Variants in NTRK2 observed in about 807,000 individuals in gnomAD.
NTRK2 encodes the protein neurotrophic receptor tyrosine kinase 2.
A neutral mutation model predicts 94.5 loss-of-function variants in NTRK2; 13 were observed. That is an observed-to-expected ratio of 0.14 (90% CI 0.09 to 0.22). The LOEUF is 0.22. NTRK2 is among the 10% of genes least tolerant of loss of function. The pLI, the probability that NTRK2 is intolerant of heterozygous loss-of-function variation, is 1.00. For missense variants in NTRK2, 639 were observed against 1,071.2 expected (o/e 0.60, Z 5.63); for synonymous variants, 372 against 407.4 (o/e 0.91, Z 1.05).
chr9:85,021,845 C>T lies in NTRK2; in HGVS notation c.*408C>T, dbSNP rs202134892. On this transcript the variant is annotated 3_prime_UTR_variant, in exon 19 of 19. Transcript: ENST00000277120. Reference sequence around the variant, plus strand: ...TCAGCAGACACTCCAGTTTGCCCACCACAACTAACAATGCCTTGTTGTATT... The same window carrying T: ...TCAGCAGACACTCCAGTTTGCCCACTACAACTAACAATGCCTTGTTGTATT... The T allele has an allele frequency of 1.7e-5, 5 of 293,398 alleles. No individual in the cohort carries two copies. Among genetic ancestry groups the T allele is most frequent in the Non-Finnish European group, 3.2e-5 (5 of 155,152 alleles). 18.2% of individuals were successfully genotyped at this position (293,398 alleles called of 1,614,324 possible). A position where few individuals can be genotyped will look rare whatever the true frequency, so the allele number is the denominator to read the frequency against.
At chr9:84,976,692 C>T (rs1010312562) in intron 17 of NTRK2, among the ~76,000 whole-genome samples, 2 of 152,078 alleles carry the variant, frequency 1.3e-5, no homozygotes, top group African/African-American at 4.8e-5. Context: ...GGCCAGCTTG[C>T]TCTGTTTGAC....
At position 84,670,886 on chromosome 9, in the gene NTRK2, C is replaced by G. The variant is rs376605075; in HGVS notation, c.138C>G (p.Ser46Arg). The G allele has an allele frequency of 6.2e-7, 1 of 1,613,036 alleles. No individual in the cohort carries two copies. The highest frequency in any genetic ancestry group is 1.1e-5 in the South Asian group (1 of 91,084). Residue 46 changes from serine (S) to arginine (R), a missense_variant, in exon 2 of 19, where the codon AGC becomes AGG. This residue lies in a region of NTRK2 where 206 missense variants were observed against 251.5 expected (regional missense o/e 0.82). Coordinates refer to ENST00000277120, the MANE Select transcript of NTRK2 (RefSeq NM_006180.6). ...GCAGTGCCTCTCGGATCTGGTGCAG[C>G]GACCCTTCTCCTGGCATCGTGGCAT... ...CKCSASRIWC[S>R]DPSPGIVAFP... is the part of the protein sequence containing the mutation.
At chr9:84,914,729 AT>A (rs1439863984) in intron 14 of NTRK2, among the ~76,000 whole-genome samples, 2 of 151,928 alleles carry the variant, frequency 1.3e-5, no homozygotes, top group South Asian at 2.1e-4. Context: ...TTTTCTGGGG[AT>A]TTTTTTCTGT....
At chr9:84,962,131 G>A (rs1009503201) in intron 17 of NTRK2, among the ~76,000 whole-genome samples, 5 of 152,156 alleles carry the variant, frequency 3.3e-5, no homozygotes, top group Non-Finnish European at 2.9e-5. Context: ...ACTGGAAAAT[G>A]ACATATTAGA....
At chr9:84,808,848 T>C (rs1436490681) in intron 12 of NTRK2, among the ~76,000 whole-genome samples, 1 of 152,174 alleles carries the variant, frequency 6.6e-6, no homozygotes, top group Admixed American at 6.5e-5. Context: ...ATGACACAGA[T>C]TGGTGGTGGT....
At chr9:84,930,462 G>A (rs1365045672) in intron 14 of NTRK2, among the ~76,000 whole-genome samples, 5 of 152,124 alleles carry the variant, frequency 3.3e-5, no homozygotes, top group Admixed American at 6.5e-5. Flanking sequence ...AGACAGCTGG[G>A]GCTCTAGCAC....
chr9:85,010,400 A>G (rs1400181035), intron 17 of NTRK2, among the ~76,000 whole-genome samples: 1 of 152,176 alleles, frequency 6.6e-6, no homozygotes, highest in Admixed American at 6.5e-5. Context: ...TCAAATGCTA[A>G]ATGTTAGATG....
chr9:84,846,268 G>A (rs1182005746), intron 12 of NTRK2, among the ~76,000 whole-genome samples: 1 of 152,190 alleles, frequency 6.6e-6, no homozygotes, highest in African/African-American at 2.4e-5. Context: ...TCGTATTATA[G>A]TTTCCAAAGG....
intron 14 of NTRK2, among the ~76,000 whole-genome samples, chr9:84,880,893 T>G (rs566742415): frequency 6.6e-6 from 1 of 152,220 alleles, no homozygotes. Flanking sequence ...GTTTGGAGTA[T>G]GAATTATTCA....
intron 12 of NTRK2, among the ~76,000 whole-genome samples, chr9:84,797,113 T>C (rs1217923738): frequency 1.3e-5 from 2 of 152,156 alleles, no homozygotes; most frequent in Admixed American, 1.3e-4. Flanking sequence ...CGATGTTCAC[T>C]GAAGGAGGAA....
intron 17 of NTRK2, among the ~76,000 whole-genome samples, chr9:84,973,866 C>G (rs1454670336): frequency 6.6e-6 from 1 of 152,114 alleles, no homozygotes; most frequent in African/African-American, 2.4e-5. Context: ...AGAGAATTTA[C>G]AAAACTAGGG....
intron 12 of NTRK2, among the ~76,000 whole-genome samples, chr9:84,769,993 A>G (rs567322046): frequency 6.6e-5 from 10 of 152,260 alleles, no homozygotes; most frequent in African/African-American, 2.4e-4. Context: ...AACTGTCGTC[A>G]GTGCTCTGCT....
chr9:84,787,913 A>G (rs1265895017), intron 12 of NTRK2, among the ~76,000 whole-genome samples: 1 of 152,188 alleles, frequency 6.6e-6, no homozygotes, highest in African/African-American at 2.4e-5. Context: ...AGCATTTACC[A>G]AATCTGTGGC....
chr9:84,905,257 C>T (rs527984657), intron 14 of NTRK2, among the ~76,000 whole-genome samples: 3 of 143,366 alleles, frequency 2.1e-5, no homozygotes, highest in South Asian at 2.4e-4. Flanking sequence ...AAACCTACTC[C>T]ATGGTGGGGT....
chr9:84,861,892 A>G (rs2075356779), intron 13 of NTRK2, among the ~76,000 whole-genome samples: 1 of 152,144 alleles, frequency 6.6e-6, no homozygotes, highest in African/African-American at 2.4e-5. Context: ...GGGGAAATGT[A>G]CCAATGTCAG....
intron 12 of NTRK2, among the ~76,000 whole-genome samples, chr9:84,787,931 A>G (rs935221509): frequency 3.9e-5 from 6 of 152,200 alleles, no homozygotes; most frequent in African/African-American, 1.2e-4. Context: ...GGCCTTGGTC[A>G]TGTTATTCAC....
At chr9:85,001,716 G>C (rs1189222213) in intron 17 of NTRK2, among the ~76,000 whole-genome samples, 1 of 152,262 alleles carries the variant, frequency 6.6e-6, no homozygotes, top group Non-Finnish European at 1.5e-5. Context: ...CACAGACTGA[G>C]AGAGGAGAAG....
chr9:85,004,389 A>T (rs1830734340), intron 17 of NTRK2, among the ~76,000 whole-genome samples: 1 of 152,190 alleles, frequency 6.6e-6, no homozygotes, highest in South Asian at 2.1e-4. Flanking sequence ...AAATTCAGGG[A>T]TAAAGAGAAT....
intron 17 of NTRK2, among the ~76,000 whole-genome samples, chr9:84,965,987 G>A (rs1028363508): frequency 2.0e-5 from 3 of 152,096 alleles, no homozygotes; most frequent in Non-Finnish European, 2.9e-5. Context: ...AAAACACCAG[G>A]GTTTCTCTTT....
Sources: gnomAD v4.1 joint callset for allele counts (sites outside exome capture counted in the v4.1 genomes callset) on GRCh38, gnomAD v4.1.1 for gene constraint, gnomAD v4.1.1 regional missense constraint, MANE v1.5 for transcripts, NCBI Gene and HGNC (gene_info 2026-07-23, HGNC 2026-07-21) for gene names.